The following SDC2 variants were observed in gnomAD, a reference collection of about 807,000 sequenced individuals.
The protein encoded by SDC2 is syndecan-2.
Under a neutral mutation model 22.2 loss-of-function variants are expected in SDC2, and 13 were observed. That is an observed-to-expected ratio of 0.59 (90% CI 0.38 to 0.93). The LOEUF (loss-of-function observed/expected upper bound fraction) is 0.93. Among genes scored for constraint, SDC2 ranks in the 40% least tolerant of loss-of-function variants. The pLI is 0.00. For missense variants in SDC2, 235 were observed against 246.8 expected, an observed-to-expected ratio of 0.95 and a Z score of 0.32; for synonymous variants, 94 against 92.8, an observed-to-expected ratio of 1.01 and a Z score of -0.07.
intron 3 of SDC2, among the ~76,000 whole-genome samples, chr8:96,602,840 T>A (rs1015685744): frequency 4.6e-5 from 7 of 152,198 alleles, no homozygotes. Context: ...TTAAGGAACG[T>A]CTGAAGCCCA....
rs1554603171 is a variant in SDC2, at chr8:96,556,055, CAT to C, written c.61-37423_61-37422del. Among the ~76,000 whole-genome samples the C allele has an allele frequency of 4.4e-3, 608 of 139,712 alleles. 4 individuals are homozygous for C. Among genetic ancestry groups the C allele is most frequent in the East Asian group, 0.034 (159 of 4,664 alleles). 91.7% of individuals were successfully genotyped at this position (139,712 alleles called of 152,430 possible). ...AATATCACACACACACACACACACA[CAT>C]ACACACACACACACACACATTCAAA... On this transcript the variant is annotated intron_variant, in intron 1 of 4. Coordinates refer to ENST00000302190, the MANE Select transcript of SDC2 (RefSeq NM_002998.4).
chr8:96,519,240 G>A (rs1813456634), intron 1 of SDC2, among the ~76,000 whole-genome samples: 1 of 152,100 alleles, frequency 6.6e-6, no homozygotes, highest in South Asian at 2.1e-4. Flanking sequence ...CCAGAGAGCA[G>A]TTTGGAAATC....
chr8:96,500,730 T>C (rs1813148776), intron 1 of SDC2, among the ~76,000 whole-genome samples: 3 of 151,994 alleles, frequency 2.0e-5, no homozygotes, highest in Non-Finnish European at 4.4e-5. Context: ...GCTTTAGGTC[T>C]TACTATTAAA....
intron 1 of SDC2, among the ~76,000 whole-genome samples, chr8:96,548,294 C>T (rs569607312): frequency 6.6e-6 from 1 of 152,240 alleles, no homozygotes; most frequent in African/African-American, 2.4e-5. Context: ...GATTAGGGTA[C>T]AGTTACAGGT....
At chr8:96,602,915 A>G (rs1473172189) in intron 3 of SDC2, among the ~76,000 whole-genome samples, 1 of 152,204 alleles carries the variant, frequency 6.6e-6, no homozygotes, top group African/African-American at 2.4e-5. Flanking sequence ...AGAAGACTCC[A>G]GGTCACGTCT....
chr8:96,571,935 T>C (rs1814402226), intron 1 of SDC2, among the ~76,000 whole-genome samples: 1 of 152,218 alleles, frequency 6.6e-6, no homozygotes, highest in African/African-American at 2.4e-5. Flanking sequence ...TAGACTTTTC[T>C]TTCTGGAAAG....
At chr8:96,515,525 T>C (rs896212246) in intron 1 of SDC2, among the ~76,000 whole-genome samples, 1 of 152,138 alleles carries the variant, frequency 6.6e-6, no homozygotes, top group Non-Finnish European at 1.5e-5. Flanking sequence ...AAAGTTCCAC[T>C]GTAGAGGGAA....
At chr8:96,547,048 G>A (rs1813945732) in intron 1 of SDC2, among the ~76,000 whole-genome samples, 1 of 152,156 alleles carries the variant, frequency 6.6e-6, no homozygotes, top group Non-Finnish European at 1.5e-5. Flanking sequence ...GCTGTATTGG[G>A]TGTGACAATT....
intron 1 of SDC2, among the ~76,000 whole-genome samples, chr8:96,563,102 A>G (rs528451902): frequency 1.3e-5 from 2 of 152,234 alleles, no homozygotes; most frequent in African/African-American, 2.4e-5. Flanking sequence ...CGTATCTCAG[A>G]CACCTCAGCG....
At chr8:96,503,186 T>C (rs1269980215) in intron 1 of SDC2, among the ~76,000 whole-genome samples, 1 of 152,220 alleles carries the variant, frequency 6.6e-6, no homozygotes, top group African/African-American at 2.4e-5. Flanking sequence ...TCTTTCCCAG[T>C]AATTTTACCT....
At chr8:96,549,854 A>G in intron 1 of SDC2, among the ~76,000 whole-genome samples, 1 of 152,242 alleles carries the variant, frequency 6.6e-6, no homozygotes, top group East Asian at 1.9e-4. Flanking sequence ...AAACTGTTAT[A>G]ATGTGTGGCA....
At chr8:96,510,995 G>A (rs1445504541) in intron 1 of SDC2, among the ~76,000 whole-genome samples, 1 of 152,130 alleles carries the variant, frequency 6.6e-6, no homozygotes, top group African/African-American at 2.4e-5. Context: ...TTAGGCCAGT[G>A]GTTCTCGAAG....
At chr8:96,529,264 T>A (rs1183993127) in intron 1 of SDC2, 2 of 152,224 alleles carry the variant, frequency 1.3e-5, no homozygotes, top group African/African-American at 4.8e-5. Context: ...CCAGTCAATA[T>A]TCAATAGGTA....
At chr8:96,565,125 C>A (rs533352775) in intron 1 of SDC2, among the ~76,000 whole-genome samples, 35 of 42,668 alleles carry the variant, frequency 8.2e-4, no homozygotes, top group Middle Eastern at 0.02. Flanking sequence ...GTTGCTCTGT[C>A]GCCAGGCTGG....
chr8:96,495,496 C>T (rs933016846), intron 1 of SDC2, among the ~76,000 whole-genome samples: 2 of 151,510 alleles, frequency 1.3e-5, no homozygotes, highest in Non-Finnish European at 3.0e-5. Context: ...CGTCTGCAGC[C>T]TCAGTGCCCT....
intron 2 of SDC2, 87 bp downstream of exon 2, chr8:96,593,678 C>A: frequency 1.2e-6 from 1 of 845,248 alleles, no homozygotes; most frequent in Non-Finnish European, 2.0e-6. Flanking sequence ...AGGAGACAGG[C>A]AGGATGCACA....
At chr8:96,605,115 A>G (rs1815055880) in intron 3 of SDC2, among the ~76,000 whole-genome samples, 1 of 152,092 alleles carries the variant, frequency 6.6e-6, no homozygotes, top group South Asian at 2.1e-4. Context: ...GAAAAGATCA[A>G]CTCTCTTAAA....
intron 1 of SDC2, among the ~76,000 whole-genome samples, chr8:96,546,780 T>C (rs556082332): frequency 1.3e-5 from 2 of 152,306 alleles, no homozygotes; most frequent in East Asian, 3.9e-4. Context: ...CATGTGTGAA[T>C]GGATTTCTCA....
intron 1 of SDC2, among the ~76,000 whole-genome samples, chr8:96,587,667 C>G (rs890358068): frequency 6.6e-6 from 1 of 152,146 alleles, no homozygotes; most frequent in Non-Finnish European, 1.5e-5. Context: ...ACTCAAAACT[C>G]TCAGTGCAAT....
Sources: gnomAD v4.1 joint callset for allele counts (sites outside exome capture counted in the v4.1 genomes callset) on GRCh38, gnomAD v4.1.1 for gene constraint, MANE v1.5 for transcripts, NCBI Gene and HGNC (gene_info 2026-07-23, HGNC 2026-07-21) for gene names.